GRAMD4: variants seen among roughly 807,000 people sequenced by gnomAD.
GRAMD4 encodes GRAM domain-containing protein 4.
In GRAMD4, 25 loss-of-function variants were observed where a neutral mutation model predicts 83.9. The ratio of observed to expected loss-of-function variants is 0.30; its 90% confidence interval spans 0.22 to 0.42. The LOEUF (loss-of-function observed/expected upper bound fraction) is 0.42. Ranked by LOEUF, GRAMD4 falls within the 10% of genes least tolerant of loss-of-function variation. GRAMD4 has a pLI of 1.00. For synonymous variants in GRAMD4, 336 were observed against 320.9 expected (o/e 1.05, Z -0.50); for missense variants, 593 against 788.7 (o/e 0.75, Z 2.97).
intron 3 of GRAMD4, among the ~76,000 whole-genome samples, chr22:46,653,297 G>A (rs145983067): frequency 3.9e-5 from 6 of 152,338 alleles, no homozygotes; most frequent in Admixed American, 1.3e-4. Context: ...GGGCTCTGGC[G>A]TTCACATGGC....
At chr22:46,671,110 C>T (rs1415994974) in intron 13 of GRAMD4, 2 of 469,184 alleles carry the variant, frequency 4.3e-6, no homozygotes, top group Non-Finnish European at 8.9e-6. Context: ...AAGGATGGCC[C>T]CAGCTGGGAC....
At chr22:46,633,654 T>G (rs2081811438) in intron 2 of GRAMD4, among the ~76,000 whole-genome samples, 1 of 152,236 alleles carries the variant, frequency 6.6e-6, no homozygotes. Context: ...ACTGGCTTCC[T>G]GGGGACCCCA....
At chr22:46,676,795 C>T (rs1008834680) in intron 18 of GRAMD4, 127 bp downstream of exon 18, 1 of 848,476 alleles carries the variant, frequency 1.2e-6, no homozygotes, top group Non-Finnish European at 1.9e-6. Context: ...CACAAAGCCG[C>T]CCCCTCCCTC....
intron 3 of GRAMD4, among the ~76,000 whole-genome samples, chr22:46,646,981 A>G (rs1256091935): frequency 6.6e-6 from 1 of 152,158 alleles, no homozygotes; most frequent in Non-Finnish European, 1.5e-5. Flanking sequence ...CTCCTTCACG[A>G]TCACAACAAG....
chr22:46,651,305 G>A (rs192492549), intron 3 of GRAMD4, among the ~76,000 whole-genome samples: 1 of 152,348 alleles, frequency 6.6e-6, no homozygotes, highest in African/African-American at 2.4e-5. Flanking sequence ...GGTCTGCTGT[G>A]CACTCAGCCT....
intron 13 of GRAMD4, among the ~76,000 whole-genome samples, chr22:46,669,441 TG>T (rs1419708218): frequency 6.8e-6 from 1 of 147,542 alleles, no homozygotes; most frequent in Non-Finnish European, 1.5e-5. Flanking sequence ...TGGGGTGTGG[TG>T]GCCCCCCCTC....
intron 1 of GRAMD4, among the ~76,000 whole-genome samples, chr22:46,580,984 AG>A (rs200529604): frequency 6.0e-4 from 88 of 146,028 alleles, no homozygotes; most frequent in African/African-American, 1.7e-3. Flanking sequence ...AAAAAAAAAA[AG>A]AAAGAAAGAA....
exon 1 of GRAMD4, chr22:46,577,182 C>A: frequency 1.5e-6 from 1 of 664,614 alleles, no homozygotes; most frequent in Non-Finnish European, 1.9e-6. Flanking sequence ...CTCCCGGCTC[C>A]CCGGCGCCGC....
At chr22:46,669,507 CTT>C (rs1407685669) in intron 13 of GRAMD4, among the ~76,000 whole-genome samples, 1 of 152,056 alleles carries the variant, frequency 6.6e-6, no homozygotes, top group Non-Finnish European at 1.5e-5. Flanking sequence ...CCTCCTTTCT[CTT>C]TTCTTTTTTC....
intron 1 of GRAMD4, among the ~76,000 whole-genome samples, chr22:46,624,569 G>A (rs190986032): frequency 2.4e-4 from 37 of 152,120 alleles, no homozygotes; most frequent in Admixed American, 1.8e-3. Context: ...CTCGTGATCC[G>A]CCTACCTTGG....
intron 13 of GRAMD4, 33 bp downstream of exon 13, chr22:46,668,941 G>T: frequency 8.1e-7 from 1 of 1,235,694 alleles, no homozygotes; most frequent in South Asian, 1.2e-5. Context: ...TGTAGCTTCA[G>T]GAGGAGGGAC....
At chr22:46,658,447 G>A in intron 4 of GRAMD4, 140 bp downstream of exon 4, 2 of 840,948 alleles carry the variant, frequency 2.4e-6, no homozygotes, top group South Asian at 1.7e-5. Flanking sequence ...TGTGAGGGTG[G>A]GCCCGGCTCT....
At chr22:46,682,269 C>G (rs2082674617), downstream of GRAMD4, 1 of 236,166 alleles carries the variant, frequency 4.2e-6, no homozygotes, top group African/African-American at 2.3e-5. Flanking sequence ...CCCTGCCATC[C>G]TCTCTGCTCA....
chr22:46,585,522 T>G (rs909828407), intron 1 of GRAMD4, among the ~76,000 whole-genome samples: 1 of 152,186 alleles, frequency 6.6e-6, no homozygotes, highest in Middle Eastern at 3.2e-3. Flanking sequence ...TGGGTTAACT[T>G]CGGCCCTAGA....
chr22:46,625,882 G>A (rs2081650332), intron 1 of GRAMD4, among the ~76,000 whole-genome samples: 1 of 152,252 alleles, frequency 6.6e-6, no homozygotes, highest in Non-Finnish European at 1.5e-5. Flanking sequence ...TGGTGTGTGT[G>A]AATTACGCGT....
At chr22:46,651,040 G>A (rs6008940) in intron 3 of GRAMD4, among the ~76,000 whole-genome samples, 9,139 of 152,272 alleles carry the variant, frequency 0.06, 537 homozygotes, top group African/African-American at 0.15. Context: ...CCCATCGGGT[G>A]GCCATCCTGG....
chr22:46,652,227 G>A (rs6007950), intron 3 of GRAMD4, among the ~76,000 whole-genome samples: 13,409 of 152,184 alleles, frequency 0.088, 789 homozygotes, highest in African/African-American at 0.16. Context: ...TTCTGAGAAG[G>A]AGATGGCAGG....
intron 1 of GRAMD4, chr22:46,587,796 C>A: frequency 5.3e-6 from 3 of 561,052 alleles, no homozygotes; most frequent in Non-Finnish European, 6.8e-6. Context: ...TGGAGCCTGA[C>A]CTGCCTAACA....
intron 13 of GRAMD4, among the ~76,000 whole-genome samples, chr22:46,671,490 A>G (rs1479177201): frequency 6.6e-6 from 1 of 151,162 alleles, no homozygotes; most frequent in Non-Finnish European, 1.5e-5. Context: ...AAAAATTAAA[A>G]TTAAAATTAA....
Sources: allele counts gnomAD v4.1 joint callset (sites outside exome capture counted in the v4.1 genomes callset), GRCh38; gene constraint gnomAD v4.1.1; transcripts MANE v1.5; gene names NCBI Gene and HGNC (gene_info 2026-07-23, HGNC 2026-07-21).